The following CD109 variants were observed in gnomAD, a reference collection of about 807,000 sequenced individuals.
CD109 encodes CD109 antigen.
A neutral mutation model predicts 165.8 loss-of-function variants in CD109; 149 were observed. The ratio of observed to expected loss-of-function variants is 0.90; its 90% CI spans 0.79 to 1.03. The LOEUF (loss-of-function observed/expected upper bound fraction) is 1.03. Among genes scored for constraint, CD109 ranks in the 50% least tolerant of loss-of-function variants. The probability of loss-of-function intolerance (pLI) is 0.00; values close to 1 mark genes in which losing one functional copy is unlikely to be tolerated. For missense variants in CD109, 1,712 were observed against 1,677.8 expected, an observed-to-expected ratio of 1.02 and a Z score of -0.36; for synonymous variants, 585 against 592.1, an observed-to-expected ratio of 0.99 and a Z score of 0.18.
rs1562070758 is a variant in CD109 at position 73,791,130 on chromosome 6, T to TACAC, written c.2702-1493_2702-1492insCACA. ...CTTTATTTGGAGGCATATATATACA[T>TACAC]ACATACATATATATATATATATATA... On this transcript the variant is annotated intron_variant, in intron 22 of 32. Transcript: ENST00000287097. Among the ~76,000 whole-genome samples the TACAC allele has an allele frequency of 2.3e-3, 103 of 45,208 alleles. 1 individual carries two copies. The highest frequency in any genetic ancestry group is 2.7e-3 in the Non-Finnish European group (77 of 28,832). The allele number at this position is 45,208 out of a possible 152,430, so 29.7% of individuals were successfully genotyped here. A position where few individuals can be genotyped will look rare whatever the true frequency, so the allele number is the denominator to read the frequency against.
At position 73,782,723 on chromosome 6, in the gene CD109, A is replaced by G; in HGVS notation, c.2073A>G (p.Pro691=). ...GTCCACATGTCCGAAAGCATTTTCC[A>G]GAGACTTGGATTTGGCTAGACACCA... ...GSSPHVRKHF[P]ETWIWLDTNM... The change falls in exon 18 of 33, where the codon CCA becomes CCG. Residue 691 remains proline, a synonymous_variant. Coordinates refer to ENST00000287097, the MANE Select transcript of CD109 (RefSeq NM_133493.5). 1 of 1,614,060 alleles carries G rather than the reference A, an allele frequency of 6.2e-7. No homozygotes were observed. Among genetic ancestry groups the G allele is most frequent in the Non-Finnish European group, 8.5e-7 (1 of 1,179,952 alleles).
chr6:73,715,545 A>G (rs1418120896), intron 2 of CD109, among the ~76,000 whole-genome samples: 1 of 149,154 alleles, frequency 6.7e-6, no homozygotes, highest in Non-Finnish European at 1.5e-5. Flanking sequence ...AGCCTGGGTG[A>G]CAGAGTGAGA....
chr6:73,802,091 A>G (rs2150285709), intron 23 of CD109, among the ~76,000 whole-genome samples: 1 of 152,136 alleles, frequency 6.6e-6, no homozygotes, highest in South Asian at 2.1e-4. Flanking sequence ...ATCTGTATGC[A>G]TTGCTTTGCA....
At chr6:73,696,148 A>C (rs1380625214), upstream of CD109, 1 of 1,462,050 alleles carries the variant, frequency 6.8e-7, no homozygotes, top group Non-Finnish European at 9.3e-7. Flanking sequence ...AGGAGGTGGC[A>C]AGCCACACCC....
At chr6:73,696,044 C>T (rs1770811398), upstream of CD109, 1 of 628,366 alleles carries the variant, frequency 1.6e-6, no homozygotes, top group Non-Finnish European at 2.8e-6. Context: ...GGTGGAGCCT[C>T]CAAGTCCTGT....
chr6:73,719,006 C>G (rs1300430953), intron 2 of CD109, among the ~76,000 whole-genome samples: 2 of 152,052 alleles, frequency 1.3e-5, no homozygotes, highest in East Asian at 3.8e-4. Flanking sequence ...GAAAGAGAAA[C>G]AGGTGAAATT....
intron 21 of CD109, 47 bp downstream of exon 21, chr6:73,787,499 A>G (rs1396213997): frequency 6.8e-7 from 1 of 1,461,428 alleles, no homozygotes; most frequent in Admixed American, 1.9e-5. Flanking sequence ...TACGTAATTA[A>G]AAAGGAAGCA....
rs201022249 is a variant in CD109, at chr6:73,803,256, G to A, written c.2915G>A (p.Gly972Asp). 88 of 1,610,800 alleles carry A rather than the reference G, an allele frequency of 5.5e-5. No individual in the cohort carries two copies. The highest frequency in any genetic ancestry group is 1.4e-4 in the South Asian group (13 of 90,092). ...GAACTTCTCTATCAGAGGGAAGATG[G>A]CTCTTTCAGTGCTTTTGGGAATTAT... The part of the protein sequence containing the change: ...QRELLYQRED[G>D]SFSAFGNYDP... Residue 972 changes from glycine to aspartate, a missense_variant, in exon 24 of 33, where the codon GGC (glycine) becomes GAC (aspartate). Gly to Asp is a moderately conservative substitution (Grantham distance 94, BLOSUM62 -1). Coordinates refer to ENST00000287097, the MANE Select transcript of CD109 (RefSeq NM_133493.5).
rs1294705299 is a variant in CD109 at position 73,783,631 on chromosome 6, TTA to T, written c.2106-75_2106-74del. On this transcript the variant is annotated intron_variant, in intron 18 of 32. Transcript: ENST00000287097. ...AAATTGAAATTCTTCCAAAAATAGT[TTA>T]GATTATTTTGGCTTATTTCAAAATG... The T allele has an allele frequency of 5.1e-5, 43 of 837,198 alleles. 1 individual carries two copies. The Admixed American group carries it at 9.1e-4, about 18-fold the overall frequency. 51.9% of individuals were successfully genotyped at this position (837,198 alleles called of 1,614,324 possible).
chr6:73,785,795 T>C (rs1008105038), intron 20 of CD109, among the ~76,000 whole-genome samples: 8 of 151,974 alleles, frequency 5.3e-5, no homozygotes, highest in African/African-American at 1.9e-4. Flanking sequence ...TTTCCCCACA[T>C]CTAGAATGTG....
chr6:73,726,063 A>G (rs948485072), intron 3 of CD109, among the ~76,000 whole-genome samples: 2 of 152,240 alleles, frequency 1.3e-5, no homozygotes, highest in African/African-American at 4.8e-5. Flanking sequence ...TGAGTTTTCA[A>G]TTAAAGCAGA....
chr6:73,682,369 A>G, the CD109 span, among the ~76,000 whole-genome samples: 3 of 152,216 alleles, frequency 2.0e-5, no homozygotes, highest in African/African-American at 7.2e-5. Context: ...GGGGCAGTCA[A>G]ATCTTAAAAG....
At chr6:73,762,644 A>G in intron 8 of CD109, 97 bp from the exon 9 acceptor site, 1 of 1,042,932 alleles carries the variant, frequency 9.6e-7, no homozygotes, top group Non-Finnish European at 1.4e-6. Flanking sequence ...TTAAAATGGT[A>G]CCAGAGCTAT....
At chr6:73,816,407 C>A (rs2917859) in intron 30 of CD109, among the ~76,000 whole-genome samples, 84,732 of 151,436 alleles carry the variant, frequency 0.56, 24,024 homozygotes, top group African/African-American at 0.66. Context: ...CTTTTACATG[C>A]ATATCATTTA....
In CD109 at chr6:73,730,336, C is replaced by T. The variant is rs765708514; in HGVS notation, c.277-8C>T. On this transcript the variant is annotated splice_region_variant and splice_polypyrimidine_tract_variant and intron_variant, in intron 3 of 32. Coordinates refer to ENST00000287097, the MANE Select transcript of CD109 (RefSeq NM_133493.5). ...AGACCTTGATGTGTGATCTCTTTTT[C>T]CCCCCAGCTACCTCTGAACAGTGCA... is the stretch of plus-strand genomic sequence containing the variant. 3 of 1,541,168 alleles carry T rather than the reference C, an allele frequency of 1.9e-6. No individual in the cohort carries two copies. The highest frequency in any genetic ancestry group is 1.7e-4 in the Middle Eastern group (1 of 5,848).
At chr6:73,804,375 C>T (rs1219797052) in intron 24 of CD109, among the ~76,000 whole-genome samples, 1 of 152,216 alleles carries the variant, frequency 6.6e-6, no homozygotes, top group African/African-American at 2.4e-5. Flanking sequence ...GTAGCAGGGA[C>T]TGGCAAACTT....
chr6:73,712,474 CT>C (rs909774189), intron 2 of CD109, among the ~76,000 whole-genome samples: 36 of 151,336 alleles, frequency 2.4e-4, no homozygotes, highest in South Asian at 2.1e-4. Flanking sequence ...GGAAAATCCA[CT>C]TTTTTTTTCA....
chr6:73,782,172 G>C (rs1484454049), intron 17 of CD109, among the ~76,000 whole-genome samples: 1 of 152,068 alleles, frequency 6.6e-6, no homozygotes, highest in East Asian at 1.9e-4. Flanking sequence ...GCCCCAACAG[G>C]ACACCTGATC....
At chr6:73,714,698 T>C (rs1209070914) in intron 2 of CD109, among the ~76,000 whole-genome samples, 1 of 152,242 alleles carries the variant, frequency 6.6e-6, no homozygotes, top group African/African-American at 2.4e-5. Flanking sequence ...TTCAGAGTTC[T>C]TGTATGACAC....
Sources: gnomAD v4.1 joint callset for allele counts (sites outside exome capture counted in the v4.1 genomes callset) on GRCh38, gnomAD v4.1.1 for gene constraint, MANE v1.5 for transcripts, NCBI Gene and HGNC (gene_info 2026-07-23, HGNC 2026-07-21) for gene names.